The following DACT2 variants were observed in gnomAD, a reference collection of about 807,000 sequenced individuals.
DACT2 encodes dapper homolog 2.
A neutral mutation model predicts 22.2 loss-of-function variants in DACT2; 20 were observed. The ratio of observed to expected loss-of-function variants is 0.90; its 90% CI spans 0.63 to 1.31. DACT2 has a LOEUF of 1.31. Ranked by LOEUF, DACT2 falls within the 50% of genes most tolerant of loss-of-function variation. The probability of loss-of-function intolerance (pLI) is 0.00; values close to 1 mark genes in which losing one functional copy is unlikely to be tolerated. For missense variants in DACT2, 1,048 were observed against 1,061.4 expected, an observed-to-expected ratio of 0.99 and a Z score of 0.18; for synonymous variants, 463 against 479.8, an observed-to-expected ratio of 0.96 and a Z score of 0.46.
At chr6:168,295,797 A>AGTCGT (rs1215257461) in intron 3 of DACT2, among the ~76,000 whole-genome samples, 1 of 152,260 alleles carries the variant, frequency 6.6e-6, no homozygotes, top group African/African-American at 2.4e-5. Context: ...AAAAGCTGCG[A>AGTCGT]TATTTGGCTG....
chr6:168,313,425 C>T (rs1385730925), intron 1 of DACT2, among the ~76,000 whole-genome samples: 1 of 152,164 alleles, frequency 6.6e-6, no homozygotes, highest in Non-Finnish European at 1.5e-5. Flanking sequence ...CTTCCAGAAC[C>T]ACCCAGCTTC....
At chr6:168,311,127 C>G in intron 2 of DACT2, 25 bp downstream of exon 2, 1 of 1,506,466 alleles carries the variant, frequency 6.6e-7, no homozygotes, top group Non-Finnish European at 8.9e-7. Context: ...GCCCCTGTGT[C>G]CGGGAGGTCA....
intron 1 of DACT2, among the ~76,000 whole-genome samples, chr6:168,311,551 T>TACACACACACACACCCATACAC (rs778387834): frequency 2.0e-5 from 2 of 97,826 alleles, no homozygotes; most frequent in Admixed American, 1.0e-4. Context: ...CACACACACA[T>TACACACACACACACCCATACAC]ACACACACTC....
At chr6:168,305,554 T>C (rs1374178039), downstream of DACT2, among the ~76,000 whole-genome samples, 2 of 152,034 alleles carry the variant, frequency 1.3e-5, no homozygotes, top group Admixed American at 6.5e-5. Context: ...AAAGCACCAA[T>C]GAGTGAGCAG....
downstream of DACT2, among the ~76,000 whole-genome samples, chr6:168,302,851 G>A (rs1052485494): frequency 2.6e-5 from 4 of 152,160 alleles, no homozygotes; most frequent in Admixed American, 6.5e-5. Context: ...GGATAGTGGC[G>A]GGGCCCATGT....
In DACT2 at chr6:168,307,418, G is replaced by A. The variant is rs939875880; in HGVS notation, c.*14C>T. The A allele has an allele frequency of 1.8e-5, 28 of 1,551,072 alleles. No homozygotes were observed. The highest frequency in any genetic ancestry group is 9.8e-5 in the East Asian group (4 of 40,906). On this transcript the variant is annotated 3_prime_UTR_variant, in exon 4 of 4. Coordinates refer to ENST00000366795, the MANE Select transcript of DACT2 (RefSeq NM_214462.5). This position sits in a 1 kb window ranked among gnomAD's most constrained non-coding sequence, Gnocchi z 5.3. ...CTGTGTGCAGCAGGCTTCTCTTGAC[G>A]CAGTCACTGCACCTCACACCATGGT...
At chr6:168,294,182 A>C (rs1039192389) in exon 5 of DACT2, 8 of 702,878 alleles carry the variant, frequency 1.1e-5, no homozygotes, top group Non-Finnish European at 2.1e-5. Context: ...CTTTCCTCTC[A>C]AACCAGAACC....
chr6:168,304,091 A>G (rs1323422647), downstream of DACT2, among the ~76,000 whole-genome samples: 1 of 152,172 alleles, frequency 6.6e-6, no homozygotes, highest in Non-Finnish European at 1.5e-5. Flanking sequence ...CTACTTTTTA[A>G]TCACTTGAGA....
intron 3 of DACT2, 33 bp downstream of exon 3, chr6:168,310,135 A>G: frequency 6.5e-7 from 1 of 1,545,680 alleles, no homozygotes; most frequent in Non-Finnish European, 8.7e-7. Flanking sequence ...TGTGCCTGAG[A>G]TGAGACCCCC....
intron 1 of DACT2, among the ~76,000 whole-genome samples, chr6:168,316,157 G>A (rs912156253): frequency 1.6e-4 from 25 of 152,236 alleles, no homozygotes; most frequent in Admixed American, 8.5e-4. Flanking sequence ...GAGACTGAGC[G>A]CTTGCAAGTT....
chr6:168,306,397 C>CA (rs10689901), downstream of DACT2, among the ~76,000 whole-genome samples: 96 of 149,896 alleles, frequency 6.4e-4, no homozygotes, highest in African/African-American at 2.3e-3. Context: ...AAGTAAACAC[C>CA]AAAAAAAAAG....
At chr6:168,301,613 G>A (rs1418514380) in intron 3 of DACT2, among the ~76,000 whole-genome samples, 2 of 152,190 alleles carry the variant, frequency 1.3e-5, no homozygotes, top group Non-Finnish European at 1.5e-5. Flanking sequence ...ACCAACCAGA[G>A]AAGGCGAGAT....
chr6:168,317,988 G>A (rs13218953), intron 1 of DACT2, among the ~76,000 whole-genome samples: 5,475 of 70,364 alleles, frequency 0.078, 929 homozygotes, highest in East Asian at 0.17. Context: ...CCCATCACAT[G>A]TGTGTAACAC....
At chr6:168,315,874 T>C (rs9346687) in intron 1 of DACT2, among the ~76,000 whole-genome samples, 147,663 of 152,290 alleles carry the variant, frequency 0.97, 71,625 homozygotes, top group East Asian at 1. Flanking sequence ...AGTGTGTAAC[T>C]GTTCCAGCAA....
In DACT2 at chr6:168,296,068, T is replaced by TGGTCATGGA. The variant is rs1335058723; in HGVS notation, c.659-1373_659-1365dup. Among the ~76,000 whole-genome samples, 588 of 115,652 alleles carry TGGTCATGGA rather than the reference T, an allele frequency of 5.1e-3. 4 individuals are homozygous for TGGTCATGGA. The highest frequency in any genetic ancestry group is 0.016 in the African/African-American group (375 of 23,680). 75.9% of individuals were successfully genotyped at this position (115,652 alleles called of 152,430 possible). A position where few individuals can be genotyped will look rare whatever the true frequency, so the allele number is the denominator to read the frequency against. ...AGATCCATCCACAGCGGTGAGGAGA[T>TGGTCATGGA]GGTCATGGAGGACAGGCACCCAGAA... On this transcript the variant is annotated intron_variant, in intron 3 of 5. Transcript: ENST00000366796.
At position 168,293,664 on chromosome 6, in the gene DACT2, C is replaced by G; in HGVS notation, c.*230G>C. On this transcript the variant is annotated 3_prime_UTR_variant, in exon 6 of 6. Coordinates refer to the DACT2 transcript ENST00000366796. ...GGGAGAAACCATTCTCTCTTACGTC[C>G]ATTACTCCCTCACTTCAACTTTCCA... 5.4e-6 allele frequency: 3 copies of G among 560,208 alleles called. No individual in the cohort carries two copies. In the South Asian group the frequency reaches 6.2e-5, roughly 12 times the overall value. The allele number at this position is 560,208 out of a possible 1,614,324, so 34.7% of individuals were successfully genotyped here.
At chr6:168,299,577 A>G (rs1274246198) in intron 3 of DACT2, 1 of 152,210 alleles carries the variant, frequency 6.6e-6, no homozygotes, top group East Asian at 1.9e-4. Context: ...GAGTGAGGTG[A>G]AATGCCTTCC....
At chr6:168,296,398 G>T (rs1243491979) in intron 3 of DACT2, among the ~76,000 whole-genome samples, 2 of 150,836 alleles carry the variant, frequency 1.3e-5, no homozygotes. Flanking sequence ...GTGAGGAGAT[G>T]GTCATGGAGG....
chr6:168,307,440 T>C lies in DACT2; in HGVS notation c.2317A>G (p.Met773Val), dbSNP rs1425093078. ...FQPTALKVMT[M>V]V ...GACGCAGTCACTGCACCTCACACCA[T>C]GGTCATGACCTTCAGGGCCGTCGGC... The change falls in exon 4 of 4, where the codon ATG becomes GTG. Residue 773 changes from methionine to valine, a missense_variant. Met to Val is a conservative substitution (Grantham distance 21). Transcript: ENST00000366795. The surrounding 1 kb of genome is among the most constrained non-coding windows in gnomAD (Gnocchi z 5.3). 3 of 1,551,648 alleles carry C rather than the reference T, an allele frequency of 1.9e-6. No homozygotes were observed. The African/African-American group carries it at 4.1e-5, about 21-fold the overall frequency.
Sources: gnomAD v4.1 joint callset for allele counts (sites outside exome capture counted in the v4.1 genomes callset) on GRCh38, gnomAD v4.1.1 for gene constraint, Gnocchi (gnomAD v3.1) non-coding constraint, MANE v1.5 for transcripts, NCBI Gene and HGNC (gene_info 2026-07-23, HGNC 2026-07-21) for gene names.